INTS1: variants seen among roughly 807,000 people sequenced by gnomAD.
INTS1 encodes integrator complex subunit 1.
A neutral mutation model predicts 241.6 loss-of-function variants in INTS1; 137 were observed. The ratio of observed to expected loss-of-function variants is 0.57; its 90% CI spans 0.49 to 0.65. The LOEUF is 0.65. Ranked by LOEUF, INTS1 falls within the 30% of genes least tolerant of loss-of-function variation. The pLI is 0.00. For missense variants in INTS1, 3,073 were observed against 3,032.2 expected, an observed-to-expected ratio of 1.01 and a Z score of -0.32; for synonymous variants, 1,692 against 1,337.8, an observed-to-expected ratio of 1.26 and a Z score of -5.78.
chr7:1,487,589 G>T, intron 19 of INTS1, 140 bp from the exon 20 acceptor site: 1 of 1,294,630 alleles, frequency 7.7e-7, no homozygotes, highest in Non-Finnish European at 1.1e-6. Context: ...TGTCCCCAAG[G>T]CCTGGCCCCA....
In INTS1 at chr7:1,479,475, G is replaced by A. The variant is rs1781888512; in HGVS notation, c.4284C>T (p.Ser1428=). 1 of 1,578,232 alleles carries A rather than the reference G, an allele frequency of 6.3e-7. No individual in the cohort carries two copies. Among genetic ancestry groups the A allele is most frequent in the African/African-American group, 1.3e-5 (1 of 74,316 alleles). ...GGALVMSMHR[S]HFLACPLLRQ... ...GCAGCAGCGGGCAGGCCAGGAAGTG[G>A]CTACGGTGCATGGACATCACCAGGG... is the stretch of plus-strand genomic sequence containing the variant. The change falls in exon 31 of 48, where the codon AGC becomes AGT. Residue 1428 remains serine (S), a synonymous_variant. Transcript: ENST00000404767.
chr7:1,482,261 A>G (rs1328812260), intron 27 of INTS1: 10 of 315,440 alleles, frequency 3.2e-5, no homozygotes, highest in East Asian at 2.0e-4. Flanking sequence ...CCAACCCCAG[A>G]CCACTTTCTC....
chr7:1,489,627 G>A lies in INTS1; in HGVS notation c.2221C>T (p.Leu741=). The A allele has an allele frequency of 6.3e-7, 1 of 1,591,556 alleles. No individual in the cohort carries two copies. Among genetic ancestry groups the A allele is most frequent in the Non-Finnish European group, 8.6e-7 (1 of 1,168,036 alleles). Residue 741 remains leucine, a synonymous_variant, in exon 17 of 48, where the codon CTG becomes TTG. Coordinates refer to ENST00000404767, the MANE Select transcript of INTS1 (RefSeq NM_001080453.3). The part of the protein sequence containing the change: ...STLYWKAWPL[L]LVVAAFNPEN... ...GGGTTGAATGCGGCGACGACCAGCAGGAGGGGCCAGGCCTTCCAGTAGAGG... is the reference window on the plus strand; with the variant it reads ...GGGTTGAATGCGGCGACGACCAGCAAGAGGGGCCAGGCCTTCCAGTAGAGG...
In INTS1 at chr7:1,479,692, G is replaced by T; in HGVS notation, c.4075-8C>A. 6.9e-7 allele frequency: 1 copy of T among 1,458,916 alleles called. No individual in the cohort carries two copies. The allele number at this position is 1,458,916 out of a possible 1,614,324, so 90.4% of individuals were successfully genotyped here. A position where few individuals can be genotyped will look rare whatever the true frequency, so the allele number is the denominator to read the frequency against. ...CGGGCTGAGCGGGAAAATCTGGAAC[G>T]GGGAAGGCCAGTGTCAGGAGGAAGC... On this transcript the variant is annotated splice_region_variant and splice_polypyrimidine_tract_variant and intron_variant, in intron 30 of 47. Coordinates refer to ENST00000404767, the MANE Select transcript of INTS1 (RefSeq NM_001080453.3).
chr7:1,492,647 C>T (rs1288434944), intron 16 of INTS1, among the ~76,000 whole-genome samples: 1 of 152,154 alleles, frequency 6.6e-6, no homozygotes, highest in Non-Finnish European at 1.5e-5. Flanking sequence ...ATAACGCACA[C>T]ACGTTAAACA....
chr7:1,499,317 C>G lies in INTS1; in HGVS notation c.888G>C (p.Gln296His). 1 of 1,604,548 alleles carries G rather than the reference C, an allele frequency of 6.2e-7. No homozygotes were observed. The highest frequency in any genetic ancestry group is 8.5e-7 in the Non-Finnish European group (1 of 1,175,710). The change falls in exon 7 of 48, where the codon CAG becomes CAC. Residue 296 changes from glutamine to histidine, a missense_variant. Gln to His is a conservative substitution (Grantham distance 24, BLOSUM62 0). Transcript: ENST00000404767. Reference protein sequence around the residue: ...HPSLTEEEDSQTELLIAEEKL... With the variant: ...HPSLTEEEDSHTELLIAEEKL... ...TCTCCTCCGCGATCAGCAACTCCGT[C>G]TGGCTGTCCTCCTCCTCCGTGAGGG... is the stretch of plus-strand genomic sequence containing the variant.
intron 3 of INTS1, among the ~76,000 whole-genome samples, chr7:1,501,494 ATC>A (rs758760680): frequency 3.3e-5 from 5 of 152,198 alleles, no homozygotes; most frequent in Middle Eastern, 3.4e-3. Flanking sequence ...GGATGCAGCC[ATC>A]TCTCTGTTTT....
chr7:1,475,723 C>G (rs1380750017), intron 39 of INTS1, among the ~76,000 whole-genome samples: 1 of 152,246 alleles, frequency 6.6e-6, no homozygotes, highest in African/African-American at 2.4e-5. Context: ...CCACCCAGTG[C>G]CCACAACACC....
At position 1,471,566 on chromosome 7, in the gene INTS1, C is replaced by T. The variant is rs1254739443; in HGVS notation, c.6255+5G>A. 1.2e-6 allele frequency: 2 copies of T among 1,611,984 alleles called. No homozygotes were observed. The highest frequency in any genetic ancestry group is 1.7e-6 in the Non-Finnish European group (2 of 1,179,688). ...CCAGCTCTCCCTCAGCCCCATCCAG[C>T]TCACCGAGAAGAAGCTCAGGATCTC... On this transcript the variant is annotated splice_donor_5th_base_variant and intron_variant, in intron 45 of 47. Transcript: ENST00000404767.
chr7:1,497,425 C>G lies in INTS1; in HGVS notation c.1426-111G>C. 1 of 1,196,848 alleles carries G rather than the reference C, an allele frequency of 8.4e-7. No individual in the cohort carries two copies. The highest frequency in any genetic ancestry group is 1.6e-5 in the South Asian group (1 of 63,246). The allele number at this position is 1,196,848 out of a possible 1,614,324, so 74.1% of individuals were successfully genotyped here. A position where few individuals can be genotyped will look rare whatever the true frequency, so the allele number is the denominator to read the frequency against. ...CGCCCGAGGGCGCTGCAGTGGGTCTCAGACAGTGTGGGGTGCGGGGTGGCG... is the reference window on the plus strand; with the variant it reads ...CGCCCGAGGGCGCTGCAGTGGGTCTGAGACAGTGTGGGGTGCGGGGTGGCG... On this transcript the variant is annotated intron_variant, in intron 10 of 47. Coordinates refer to ENST00000404767, the MANE Select transcript of INTS1 (RefSeq NM_001080453.3). This position sits in a 1 kb window ranked among gnomAD's most constrained non-coding sequence, Gnocchi z 5.3.
chr7:1,496,031 T>A, intron 12 of INTS1, 125 bp downstream of exon 12: 1 of 687,296 alleles, frequency 1.5e-6, no homozygotes, highest in South Asian at 1.8e-5. Context: ...TGTCCCCGAG[T>A]AGCCGTGCTG....
intron 8 of INTS1, 45 bp downstream of exon 8, chr7:1,498,930 G>GCCCCCCCC: frequency 6.8e-7 from 1 of 1,460,178 alleles, no homozygotes; most frequent in Non-Finnish European, 9.3e-7. Context: ...CACAGAGCCT[G>GCCCCCCCC]CCCCCACCCC....
intron 39 of INTS1, among the ~76,000 whole-genome samples, chr7:1,475,518 TC>T (rs1216849622): frequency 6.6e-6 from 1 of 152,104 alleles, no homozygotes; most frequent in African/African-American, 2.4e-5. Flanking sequence ...GGCTGCAGGT[TC>T]CGGCCTGCGG....
rs10277092 is a variant in INTS1, at chr7:1,482,497, C to T, written c.3703+49G>A. 792 of 1,549,486 alleles carry T rather than the reference C, an allele frequency of 5.1e-4. 5 individuals are homozygous for T. The African/African-American group carries it at 9.0e-3, about 18-fold the overall frequency. On this transcript the variant is annotated intron_variant, in intron 27 of 47. Coordinates refer to ENST00000404767, the MANE Select transcript of INTS1 (RefSeq NM_001080453.3). ...GCCCACAAGGAGCAGGCAAGGGGCC[C>T]GGGACCCCTGAGTCAGCAGCCCCTG...
intron 26 of INTS1, chr7:1,483,109 C>T (rs74986757): frequency 3.2e-5 from 7 of 221,640 alleles, no homozygotes; most frequent in African/African-American, 6.9e-5. Flanking sequence ...CCAAGGGCGA[C>T]GCCTGTGACT....
At position 1,493,487 on chromosome 7, in the gene INTS1, G is replaced by A. The variant is rs10230175; in HGVS notation, c.2068+267C>T. On this transcript the variant is annotated intron_variant, in intron 15 of 47. Transcript: ENST00000404767. This position sits in a 1 kb window ranked among gnomAD's most constrained non-coding sequence, Gnocchi z 5.3. ...GTGACAGACAGGAAATCTGGCCGTGGCCAAATCACACCGAGAATGCCAATT... is the reference window on the plus strand; with the variant it reads ...GTGACAGACAGGAAATCTGGCCGTGACCAAATCACACCGAGAATGCCAATT... Among the ~76,000 whole-genome samples the A allele has an allele frequency of 7.2e-4, 110 of 152,274 alleles. No individual in the cohort carries two copies. The highest frequency in any genetic ancestry group is 2.6e-3 in the African/African-American group (108 of 41,550).
At chr7:1,498,948 G>GGGGC in intron 8 of INTS1, 27 bp downstream of exon 8, 29 of 946,630 alleles carry the variant, frequency 3.1e-5, no homozygotes, top group Non-Finnish European at 3.9e-5. Flanking sequence ...CCCCTGCCCC[G>GGGGC]CCCACCCCCC....
At chr7:1,474,593 C>A in intron 40 of INTS1, 112 bp downstream of exon 40, 1 of 1,400,468 alleles carries the variant, frequency 7.1e-7, no homozygotes, top group East Asian at 2.5e-5. Context: ...CCCATGGGAA[C>A]ATGCTTTTTT....
chr7:1,495,395 G>C (rs1432684740), intron 13 of INTS1, 38 bp downstream of exon 13: 2 of 1,583,672 alleles, frequency 1.3e-6, no homozygotes, highest in African/African-American at 1.3e-5. Flanking sequence ...CGGCTCAGTG[G>C]GGTGTGGGAC....
Sources: gnomAD v4.1 joint callset for allele counts (sites outside exome capture counted in the v4.1 genomes callset) on GRCh38, gnomAD v4.1.1 for gene constraint, Gnocchi (gnomAD v3.1) non-coding constraint, MANE v1.5 for transcripts, NCBI Gene and HGNC (gene_info 2026-07-23, HGNC 2026-07-21) for gene names.